The following BEST3 variants were observed in gnomAD, a reference collection of about 807,000 sequenced individuals.
BEST3 encodes bestrophin-3.
Under a neutral mutation model 47.1 loss-of-function variants are expected in BEST3, and 50 were observed. The ratio of observed to expected loss-of-function variants is 1.06; its 90% CI spans 0.85 to 1.34. The LOEUF is 1.34. Among genes scored for constraint, BEST3 ranks in the 40% most tolerant of loss-of-function variants. The pLI, the probability that BEST3 is intolerant of heterozygous loss-of-function variation, is 0.00. For missense variants in BEST3, 765 were observed against 817.0 expected (o/e 0.94, Z 0.78); for synonymous variants, 282 against 298.8 (o/e 0.94, Z 0.58).
chr12:69,696,581 AT>A (rs1271692317), intron 2 of BEST3, among the ~76,000 whole-genome samples: 1 of 152,152 alleles, frequency 6.6e-6, no homozygotes, highest in Non-Finnish European at 1.5e-5. Context: ...CTCTAAAAAT[AT>A]TTTGTCAAGA....
Position 69,672,881 on chromosome 12 carries a change from T to G in BEST3, c.948+4A>C. 3.1e-6 allele frequency: 5 copies of G among 1,603,218 alleles called. No individual in the cohort carries two copies. The highest frequency in any genetic ancestry group is 2.6e-6 in the Non-Finnish European group (3 of 1,174,366). Reference sequence around the variant, plus strand: ...TTTGAAAAAGAAAGAAAAATTCCTCTAACCTGCAAATTTCTGTCAATGCAC... The same window carrying G: ...TTTGAAAAAGAAAGAAAAATTCCTCGAACCTGCAAATTTCTGTCAATGCAC... On this transcript the variant is annotated splice_donor_region_variant and intron_variant, in intron 8 of 9. Coordinates refer to ENST00000330891, the MANE Select transcript of BEST3 (RefSeq NM_032735.3).
chr12:69,696,654 C>G (rs1886143309), intron 2 of BEST3, among the ~76,000 whole-genome samples: 1 of 152,078 alleles, frequency 6.6e-6, no homozygotes, highest in Admixed American at 6.6e-5. Context: ...AATAGCTGTA[C>G]CTATTTTACT....
At position 69,698,499 on chromosome 12, in the gene BEST3, G is replaced by A. The variant is rs971147135; in HGVS notation, c.-15-686C>T. ...ATATTCAGGTTTTGAAACAGACAGCGCAAAGCTAATCTTTGAAAATCTTGC... is the reference window on the plus strand; with the variant it reads ...ATATTCAGGTTTTGAAACAGACAGCACAAAGCTAATCTTTGAAAATCTTGC... On this transcript the variant is annotated intron_variant, in intron 1 of 9. Coordinates refer to ENST00000330891, the MANE Select transcript of BEST3 (RefSeq NM_032735.3). Among the ~76,000 whole-genome samples the A allele has an allele frequency of 3.3e-5, 5 of 150,860 alleles. No homozygotes were observed. The East Asian group carries it at 5.8e-4, about 18-fold the overall frequency.
Position 69,654,296 on chromosome 12 carries a change from G to C in BEST3, c.*611C>G, listed in dbSNP as rs1284958598. 1 of 984,834 alleles carries C rather than the reference G, an allele frequency of 1.0e-6. No individual in the cohort carries two copies. Among genetic ancestry groups the C allele is most frequent in the Non-Finnish European group, 1.2e-6 (1 of 829,512 alleles). The allele number at this position is 984,834 out of a possible 1,614,324, so 61.0% of individuals were successfully genotyped here. On this transcript the variant is annotated 3_prime_UTR_variant, in exon 10 of 10. Coordinates refer to ENST00000330891, the MANE Select transcript of BEST3 (RefSeq NM_032735.3). The stretch of plus-strand genomic sequence containing the variant: ...AGGATGACAGAATAAAAGGAAAAGA[G>C]AGAAAAGTAAAAAAGGAAATTGAAG...
At chr12:69,643,846 C>T (rs930745721) in intron 9 of BEST3, 8 of 629,422 alleles carry the variant, frequency 1.3e-5, no homozygotes, top group Admixed American at 2.7e-5. Context: ...ACAGGTGCTT[C>T]TCTTTTCTTC....
At chr12:69,676,682 A>G (rs1175041243) in intron 7 of BEST3, among the ~76,000 whole-genome samples, 4 of 152,244 alleles carry the variant, frequency 2.6e-5, no homozygotes, top group Non-Finnish European at 5.9e-5. Flanking sequence ...TTAAAAGAGA[A>G]TCAATAGCCA....
At chr12:69,665,226 G>A (rs576169113) in intron 9 of BEST3, among the ~76,000 whole-genome samples, 8 of 150,806 alleles carry the variant, frequency 5.3e-5, no homozygotes, top group Admixed American at 4.6e-4. Context: ...CAGTAAAAGG[G>A]ATGCCAAGTC....
intron 9 of BEST3, among the ~76,000 whole-genome samples, chr12:69,666,571 C>G (rs375668221): frequency 2.6e-5 from 4 of 152,314 alleles, no homozygotes; most frequent in African/African-American, 9.6e-5. Flanking sequence ...CATTCCTACT[C>G]TGACTACCCT....
intron 9 of BEST3, 81 bp from the exon 10 acceptor site, chr12:69,655,894 G>A: frequency 6.7e-7 from 1 of 1,498,730 alleles, no homozygotes; most frequent in Non-Finnish European, 8.8e-7. Flanking sequence ...GTTAAGAGAT[G>A]ACTTTGGTAT....
chr12:69,650,624 A>G (rs986119128), downstream of BEST3, among the ~76,000 whole-genome samples: 7 of 152,216 alleles, frequency 4.6e-5, no homozygotes, highest in African/African-American at 1.7e-4. Flanking sequence ...GACCAGGTTT[A>G]GGGAGATTAG....
At chr12:69,693,245 C>CTTTTTTTTTTTTTTTTTTT in intron 4 of BEST3, among the ~76,000 whole-genome samples, 1 of 136,662 alleles carries the variant, frequency 7.3e-6, no homozygotes, top group Non-Finnish European at 1.5e-5. Context: ...CTCTCTCTCT[C>CTTTTTTTTTTTTTTTTTTT]TTTTTTTTTT....
intron 9 of BEST3, among the ~76,000 whole-genome samples, chr12:69,659,606 G>A (rs1883744249): frequency 6.6e-6 from 1 of 152,150 alleles, no homozygotes; most frequent in African/African-American, 2.4e-5. Context: ...TCCTGTCTTG[G>A]CTTCCCAAAG....
chr12:69,647,174 A>G (rs1883065701), intron 9 of BEST3, among the ~76,000 whole-genome samples: 1 of 152,208 alleles, frequency 6.6e-6, no homozygotes. Context: ...CCCAGGCTCT[A>G]AATAGAATTT....
intron 9 of BEST3, chr12:69,670,341 C>T: frequency 1.5e-6 from 1 of 652,982 alleles, no homozygotes; most frequent in South Asian, 1.7e-5. Flanking sequence ...CAAATCTAGC[C>T]TGGAGTAGGC....
intron 2 of BEST3, among the ~76,000 whole-genome samples, chr12:69,695,443 T>C (rs964053214): frequency 2.6e-5 from 4 of 152,124 alleles, no homozygotes; most frequent in Non-Finnish European, 5.9e-5. Context: ...ACAAAGAAGG[T>C]GTGTGGGGTA....
At position 69,655,557 on chromosome 12, in the gene BEST3, A is replaced by G. The variant is rs1883422880; in HGVS notation, c.1357T>C (p.Ser453Pro). The G allele has an allele frequency of 6.2e-7, 1 of 1,613,802 alleles. No homozygotes were observed. Among genetic ancestry groups the G allele is most frequent in the Non-Finnish European group, 8.5e-7 (1 of 1,179,938 alleles). The part of the protein sequence containing the change: ...PPRASPTWKK[S>P]CFPEGSPTLH... ...GTGGGGCTTCCTTCTGGGAAGCAGG[A>G]TTTCTTCCAGGTGGGTGAGGCCCTG... Residue 453 changes from serine to proline, a missense_variant, in exon 10 of 10, where the codon TCC becomes CCC. Transcript: ENST00000330891.
intron 9 of BEST3, 32 bp from the exon 10 acceptor site, chr12:69,655,845 G>A: frequency 6.4e-7 from 1 of 1,562,142 alleles, no homozygotes; most frequent in South Asian, 1.2e-5. Flanking sequence ...TCCAGGCAGA[G>A]TAGCTTCGGG....
chr12:69,653,946 A>G lies in BEST3; in HGVS notation c.*961T>C, dbSNP rs1883303156. The G allele has an allele frequency of 1.0e-6, 1 of 985,470 alleles. No homozygotes were observed. The highest frequency in any genetic ancestry group is 4.7e-5 in the South Asian group (1 of 21,290). 61.0% of individuals were successfully genotyped at this position (985,470 alleles called of 1,614,324 possible). ...TTCTTTGGTTCCATAGCATTTGGCT[A>G]TGCAAATTTCATATTCTCTTGGCTT... On this transcript the variant is annotated 3_prime_UTR_variant, in exon 10 of 10. Transcript: ENST00000330891.
intron 9 of BEST3, among the ~76,000 whole-genome samples, chr12:69,668,928 T>C (rs1884396180): frequency 6.6e-6 from 1 of 152,080 alleles, no homozygotes; most frequent in South Asian, 2.1e-4. Context: ...TTTTGCCATT[T>C]TTGCCCTCAG....
Sources: gnomAD v4.1 joint callset for allele counts (sites outside exome capture counted in the v4.1 genomes callset) on GRCh38, gnomAD v4.1.1 for gene constraint, MANE v1.5 for transcripts, NCBI Gene and HGNC (gene_info 2026-07-23, HGNC 2026-07-21) for gene names.